PCDH9: variants seen among roughly 807,000 people sequenced by gnomAD.
PCDH9 encodes protocadherin-9.
In PCDH9, 24 loss-of-function variants were observed where a neutral mutation model predicts 70.6. The ratio of observed to expected loss-of-function variants is 0.34; its 90% CI spans 0.25 to 0.48. The LOEUF is 0.48. PCDH9 is among the 20% of genes least tolerant of loss of function. The pLI is 0.99. For missense variants in PCDH9, 1,281 were observed against 1,503.6 expected (o/e 0.85, Z 2.45); for synonymous variants, 562 against 558.5 (o/e 1.01, Z -0.09).
At chr13:66,448,815 A>G (rs1286054688) in intron 4 of PCDH9, among the ~76,000 whole-genome samples, 1 of 136,406 alleles carries the variant, frequency 7.3e-6, no homozygotes, top group Non-Finnish European at 1.6e-5. Context: ...GTAGTCATAC[A>G]ATCAAGTTAG....
chr13:66,469,825 T>C (rs2138478111), intron 4 of PCDH9, among the ~76,000 whole-genome samples: 1 of 152,248 alleles, frequency 6.6e-6, no homozygotes, highest in East Asian at 1.9e-4. Flanking sequence ...GTTTCACCCA[T>C]TCCCTTTTTT....
At chr13:66,617,678 A>C (rs1383594839) in intron 4 of PCDH9, among the ~76,000 whole-genome samples, 1 of 152,048 alleles carries the variant, frequency 6.6e-6, no homozygotes, top group African/African-American at 2.4e-5. Flanking sequence ...AAGGCCTCGG[A>C]ATTTTTGATC....
At chr13:66,871,667 G>T (rs1439128948) in intron 3 of PCDH9, among the ~76,000 whole-genome samples, 2 of 151,938 alleles carry the variant, frequency 1.3e-5, no homozygotes, top group African/African-American at 2.4e-5. Flanking sequence ...AGCCAGATTG[G>T]TCTTCTACCG....
chr13:67,129,819 T>G (rs2138326315), intron 2 of PCDH9, among the ~76,000 whole-genome samples: 1 of 152,114 alleles, frequency 6.6e-6, no homozygotes, highest in Non-Finnish European at 1.5e-5. Flanking sequence ...AATTATCTAT[T>G]CTGGATTCAA....
Position 66,450,756 on chromosome 13 carries a change from C to CT in PCDH9, c.3341-145729dup, listed in dbSNP as rs575487335. On this transcript the variant is annotated intron_variant, in intron 4 of 4. Transcript: ENST00000377865. Reference sequence around the variant, plus strand: ...TCAGGCCGGGCACGGTGGCTCACGCCTGTAATCCCAGCACTTTGGGAGGCC... The same window carrying CT: ...TCAGGCCGGGCACGGTGGCTCACGCCTTGTAATCCCAGCACTTTGGGAGGCC... Among the ~76,000 whole-genome samples, 64 of 152,310 alleles carry CT rather than the reference C, an allele frequency of 4.2e-4. 1 individual carries two copies. In the East Asian group the frequency reaches 0.011, roughly 27 times the overall value.
chr13:67,027,224 T>C, intron 2 of PCDH9, among the ~76,000 whole-genome samples: 1 of 152,018 alleles, frequency 6.6e-6, no homozygotes, highest in African/African-American at 2.4e-5. Context: ...GAGATATAGA[T>C]CAACGGAACA....
chr13:66,970,070 A>C (rs1188629402), intron 2 of PCDH9, among the ~76,000 whole-genome samples: 1 of 152,088 alleles, frequency 6.6e-6, no homozygotes, highest in African/African-American at 2.4e-5. Context: ...ATGGAAAAAC[A>C]AACCTGCCTC....
chr13:66,499,355 A>G (rs1237067488), intron 4 of PCDH9, among the ~76,000 whole-genome samples: 1 of 152,186 alleles, frequency 6.6e-6, no homozygotes, highest in Non-Finnish European at 1.5e-5. Context: ...ATACTTGGAC[A>G]TTAATGAATG....
chr13:66,889,513 C>A (rs2082062384), intron 3 of PCDH9, among the ~76,000 whole-genome samples: 1 of 152,098 alleles, frequency 6.6e-6, no homozygotes, highest in African/African-American at 2.4e-5. Context: ...TTTGTATTTT[C>A]AATGAAGTGA....
At chr13:67,219,548 T>C (rs2089679788) in intron 2 of PCDH9, 1 of 152,028 alleles carries the variant, frequency 6.6e-6, no homozygotes, top group Admixed American at 6.6e-5. Context: ...ATTAGCATTA[T>C]TACTTACGAA....
chr13:67,064,068 A>T (rs2138134952), intron 2 of PCDH9, among the ~76,000 whole-genome samples: 1 of 152,218 alleles, frequency 6.6e-6, no homozygotes, highest in South Asian at 2.1e-4. Flanking sequence ...TAACCTCAGA[A>T]AATTGTCCCA....
At chr13:67,182,188 T>A (rs1218222305) in intron 2 of PCDH9, among the ~76,000 whole-genome samples, 1 of 152,180 alleles carries the variant, frequency 6.6e-6, no homozygotes, top group Non-Finnish European at 1.5e-5. Flanking sequence ...TCCATAATAT[T>A]TCTATTTAGA....
chr13:66,559,792 T>A (rs1961915270), intron 4 of PCDH9, among the ~76,000 whole-genome samples: 1 of 77,810 alleles, frequency 1.3e-5, no homozygotes, highest in Non-Finnish European at 2.2e-5. Context: ...AGAGCAAGAC[T>A]CCATCTCAAA....
chr13:67,046,760 C>T (rs1282522743), intron 2 of PCDH9, among the ~76,000 whole-genome samples: 9 of 151,724 alleles, frequency 5.9e-5, no homozygotes, highest in African/African-American at 2.2e-4. Context: ...AGAAAAAACA[C>T]ACTAAGAAAA....
intron 2 of PCDH9, among the ~76,000 whole-genome samples, chr13:67,152,852 A>G (rs986542532): frequency 1.6e-4 from 24 of 152,246 alleles, no homozygotes; most frequent in African/African-American, 5.8e-4. Flanking sequence ...TTTAATACCT[A>G]GGAAGAATAA....
At chr13:66,559,354 C>A (rs565339972) in intron 4 of PCDH9, among the ~76,000 whole-genome samples, 1 of 152,246 alleles carries the variant, frequency 6.6e-6, no homozygotes, top group East Asian at 1.9e-4. Context: ...GTATTGGAAG[C>A]CACTGTGTGT....
intron 4 of PCDH9, among the ~76,000 whole-genome samples, chr13:66,362,413 G>A (rs1298935563): frequency 6.6e-6 from 1 of 152,098 alleles, no homozygotes; most frequent in Admixed American, 6.6e-5. Flanking sequence ...TATTCTCAAA[G>A]TCATTTTTAT....
chr13:66,958,550 G>A lies in PCDH9; in HGVS notation c.3037-54945C>T, dbSNP rs552783185. ...CACATACTGTATAGCAGTTAATATT[G>A]AAGGGCTGATATTTTTTTCACACAT... On this transcript the variant is annotated intron_variant, in intron 2 of 4. Coordinates refer to ENST00000377865, the MANE Select transcript of PCDH9 (RefSeq NM_203487.3). Among the ~76,000 whole-genome samples, 3 of 152,208 alleles carry A rather than the reference G, an allele frequency of 2.0e-5. No homozygotes were observed. In the South Asian group the frequency reaches 6.2e-4, roughly 32 times the overall value.
intron 2 of PCDH9, among the ~76,000 whole-genome samples, chr13:66,951,525 CT>C (rs2083180565): frequency 6.9e-6 from 1 of 145,546 alleles, no homozygotes; most frequent in Admixed American, 6.7e-5. Flanking sequence ...ATCAAAGAAC[CT>C]ATTCTCATAG....
Sources: gnomAD v4.1 joint callset for allele counts (sites outside exome capture counted in the v4.1 genomes callset) on GRCh38, gnomAD v4.1.1 for gene constraint, MANE v1.5 for transcripts, NCBI Gene and HGNC (gene_info 2026-07-23, HGNC 2026-07-21) for gene names.